UBN2: variants seen among roughly 807,000 people sequenced by gnomAD.
UBN2 encodes the protein ubinuclein-2.
In UBN2, 35 loss-of-function variants were observed where a neutral mutation model predicts 120.2. The observed-to-expected ratio is 0.29, with a 90% confidence interval of 0.22 to 0.39. UBN2 has a LOEUF of 0.39. Among genes scored for constraint, UBN2 ranks in the 10% least tolerant of loss-of-function variants. The pLI is 1.00. For synonymous variants in UBN2, 661 were observed against 648.7 expected (o/e 1.02, Z -0.29); for missense variants, 1,693 against 1,663.2 (o/e 1.02, Z -0.31).
At chr7:139,243,528 T>C (rs1236882260) in intron 2 of UBN2, among the ~76,000 whole-genome samples, 1 of 152,208 alleles carries the variant, frequency 6.6e-6, no homozygotes, top group East Asian at 1.9e-4. Context: ...AATTTTAATA[T>C]TTGTGAATTA....
rs144482794 is a variant in UBN2, at chr7:139,293,934, C to A, written c.3947C>A (p.Thr1316Lys). The change falls in exon 17 of 18, where the codon ACG becomes AAG. Residue 1316 changes from threonine (T) to lysine (K), a missense_variant. Transcript: ENST00000473989. ...CCAGGAGGAGCTCAGCATGCAGCAA[C>A]GCTTTCCCACTCACCTCTGCCTGCA... ...LQPGGAQHAA[T>K]LSHSPLPAHL... The A allele has an allele frequency of 1.9e-5, 31 of 1,614,026 alleles. No individual in the cohort carries two copies. In the South Asian group the frequency reaches 3.2e-4, roughly 17 times the overall value.
chr7:139,281,836 A>G (rs185106076), intron 13 of UBN2, among the ~76,000 whole-genome samples, 169 bp from the exon 14 acceptor site: 37 of 152,322 alleles, frequency 2.4e-4, no homozygotes, highest in Admixed American at 4.6e-4. Flanking sequence ...TTTCATCTGC[A>G]TTACTCATTC....
At chr7:139,243,172 G>A (rs901042323) in intron 2 of UBN2, among the ~76,000 whole-genome samples, 2 of 152,176 alleles carry the variant, frequency 1.3e-5, no homozygotes, top group Non-Finnish European at 2.9e-5. Context: ...AACACTGATT[G>A]TCAGGTTAAG....
chr7:139,311,583 A>G (rs1798447491), downstream of UBN2, among the ~76,000 whole-genome samples: 1 of 151,804 alleles, frequency 6.6e-6, no homozygotes, highest in Admixed American at 6.6e-5. Context: ...GAAAGCACCT[A>G]GCACAGTGCC....
At chr7:139,276,423 A>C (rs988301852) in intron 12 of UBN2, 1 of 429,072 alleles carries the variant, frequency 2.3e-6, no homozygotes. Flanking sequence ...TGGGCCTTCT[A>C]CCTGCCAGTC....
chr7:139,282,419 A>C (rs1797641720), intron 14 of UBN2, among the ~76,000 whole-genome samples: 1 of 152,214 alleles, frequency 6.6e-6, no homozygotes. Context: ...ATATATATTG[A>C]ATAAATGACA....
chr7:139,256,454 A>G (rs915626145), intron 3 of UBN2, among the ~76,000 whole-genome samples: 4 of 152,232 alleles, frequency 2.6e-5, no homozygotes, highest in Admixed American at 1.3e-4. Flanking sequence ...TGACTTTGCC[A>G]TAAACATATG....
intron 12 of UBN2, among the ~76,000 whole-genome samples, chr7:139,278,969 G>A (rs1403319979): frequency 6.6e-6 from 1 of 151,176 alleles, no homozygotes; most frequent in Non-Finnish European, 1.5e-5. Context: ...TTTTGTTTTG[G>A]TTAAGTTAAA....
chr7:139,314,358 G>A, the UBN2 span, among the ~76,000 whole-genome samples: 278 of 151,704 alleles, frequency 1.8e-3, no homozygotes, highest in African/African-American at 6.4e-3. Context: ...GGGAGTCTGA[G>A]GCAGGAGAAT....
Position 139,260,110 on chromosome 7 carries a change from T to TC in UBN2, c.905+741dup, listed in dbSNP as rs536706257. Among the ~76,000 whole-genome samples, 24 of 151,598 alleles carry TC rather than the reference T, an allele frequency of 1.6e-4. 1 individual carries two copies. In the South Asian group the frequency reaches 4.8e-3, roughly 30 times the overall value. On this transcript the variant is annotated intron_variant, in intron 5 of 17. Coordinates refer to ENST00000473989, the MANE Select transcript of UBN2 (RefSeq NM_173569.4). Reference sequence around the variant, plus strand: ...TTACATAGCTATTCTTTTTTTTTTTTCTCTTTTAGATAGGGTCTTGCTATG... The same window carrying TC: ...TTACATAGCTATTCTTTTTTTTTTTTCCTCTTTTAGATAGGGTCTTGCTATG...
rs1241935070 is a variant in UBN2 at position 139,303,030 on chromosome 7, A to T, written c.*5194A>T. Reference sequence around the variant, plus strand: ...GTTTAGAAGCAGGTTAGCAACTGTCAACATGAAAAATGTATCATATTTTCT... The same window carrying T: ...GTTTAGAAGCAGGTTAGCAACTGTCTACATGAAAAATGTATCATATTTTCT... On this transcript the variant is annotated 3_prime_UTR_variant, in exon 18 of 18. Transcript: ENST00000473989. The T allele has an allele frequency of 6.6e-6, 1 of 152,232 alleles. No homozygotes were observed. The highest frequency in any genetic ancestry group is 1.5e-5 in the Non-Finnish European group (1 of 68,034). The allele number at this position is 152,232 out of a possible 1,614,324, so 9.4% of individuals were successfully genotyped here.
chr7:139,254,858 C>T (rs1796716342), intron 3 of UBN2, among the ~76,000 whole-genome samples: 1 of 152,186 alleles, frequency 6.6e-6, no homozygotes, highest in South Asian at 2.1e-4. Context: ...GAACACCTTG[C>T]CCGCATGCAC....
chr7:139,293,808 A>G (rs139382407), intron 16 of UBN2, 81 bp from the exon 17 acceptor site: 2 of 1,327,666 alleles, frequency 1.5e-6, no homozygotes, highest in Non-Finnish European at 2.2e-6. Flanking sequence ...TGCCTGCATT[A>G]CATAAATCAG....
chr7:139,235,945 A>G (rs943676373), intron 1 of UBN2, among the ~76,000 whole-genome samples: 6 of 151,862 alleles, frequency 4.0e-5, no homozygotes, highest in African/African-American at 1.2e-4. Flanking sequence ...AAGTGTGCAC[A>G]TCTTCCTTCT....
In UBN2 at chr7:139,302,855, T is replaced by C. The variant is rs1048205028; in HGVS notation, c.*5019T>C. ...GTGAATCATTGACTATTCTTGGATA[T>C]AACCCACTTTTCTGTGCTCTTTAAA... On this transcript the variant is annotated 3_prime_UTR_variant, in exon 18 of 18. Transcript: ENST00000473989. 1.4e-4 allele frequency: 21 copies of C among 152,058 alleles called. No individual in the cohort carries two copies. The highest frequency in any genetic ancestry group is 5.8e-4 in the East Asian group (3 of 5,182). 9.4% of individuals were successfully genotyped at this position (152,058 alleles called of 1,614,324 possible).
At chr7:139,296,844 C>T (rs1429226825) in intron 17 of UBN2, among the ~76,000 whole-genome samples, 1 of 151,986 alleles carries the variant, frequency 6.6e-6, no homozygotes, top group African/African-American at 2.4e-5. Flanking sequence ...GTGCTATGAT[C>T]GCACCTGTGC....
At chr7:139,269,690 G>A (rs1029769510) in intron 8 of UBN2, among the ~76,000 whole-genome samples, 167 bp downstream of exon 8, 5 of 152,114 alleles carry the variant, frequency 3.3e-5, no homozygotes, top group Admixed American at 6.5e-5. Context: ...AAATAATTGC[G>A]TCTTCAACAA....
rs1307253481 is a variant in UBN2 at position 139,307,096 on chromosome 7, C to A, written c.*9260C>A. 1.3e-5 allele frequency: 2 copies of A among 152,216 alleles called. No homozygotes were observed. The highest frequency in any genetic ancestry group is 4.8e-5 in the African/African-American group (2 of 41,458). 9.4% of individuals were successfully genotyped at this position (152,216 alleles called of 1,614,324 possible). ...GAATGTTCACTCTGCAGAGGAACTT[C>A]CCTCCAGTTACATCTTCCTCATACA... On this transcript the variant is annotated 3_prime_UTR_variant, in exon 18 of 18. Coordinates refer to ENST00000473989, the MANE Select transcript of UBN2 (RefSeq NM_173569.4).
chr7:139,255,761 G>A (rs1167982300), intron 3 of UBN2, among the ~76,000 whole-genome samples: 1 of 151,928 alleles, frequency 6.6e-6, no homozygotes, highest in Non-Finnish European at 1.5e-5. Context: ...TCTGAATCAT[G>A]CACGAATTAC....
Sources: gnomAD v4.1 joint callset for allele counts (sites outside exome capture counted in the v4.1 genomes callset) on GRCh38, gnomAD v4.1.1 for gene constraint, MANE v1.5 for transcripts, NCBI Gene and HGNC (gene_info 2026-07-23, HGNC 2026-07-21) for gene names.